The following USH2A variants were observed in gnomAD, a reference collection of about 807,000 sequenced individuals.
USH2A encodes Usher syndrome 2A (autosomal recessive, mild).
A neutral mutation model predicts 538.9 loss-of-function variants in USH2A; 443 were observed. That is an observed-to-expected ratio of 0.82 (90% confidence interval 0.76 to 0.89). The LOEUF is 0.89. Among genes scored for constraint, USH2A ranks in the 40% least tolerant of loss-of-function variants. The probability of loss-of-function intolerance (pLI) is 0.00; values close to 1 mark genes in which losing one functional copy is unlikely to be tolerated. For synonymous variants in USH2A, 2,413 were observed against 2,273.5 expected, an observed-to-expected ratio of 1.06 and a Z score of -1.75; for missense variants, 6,633 against 6,324.8, an observed-to-expected ratio of 1.05 and a Z score of -1.65.
At chr1:216,364,612 G>C (rs766877973) in intron 4 of USH2A, among the ~76,000 whole-genome samples, 1 of 152,130 alleles carries the variant, frequency 6.6e-6, no homozygotes, top group African/African-American at 2.4e-5. Context: ...AGAGGAGAAG[G>C]CCACATGAAG....
rs377232844 is a variant in USH2A at position 216,073,407 on chromosome 1, T to C, written c.5573-107A>G. Reference sequence around the variant, plus strand: ...ATTTTGAGGAAGGGGGGTGGTTAGATACAATTGCTAGACTTTCGAGTCTTC... The same window carrying C: ...ATTTTGAGGAAGGGGGGTGGTTAGACACAATTGCTAGACTTTCGAGTCTTC... On this transcript the variant is annotated intron_variant, in intron 27 of 71. Transcript: ENST00000307340. 3.2e-5 allele frequency: 38 copies of C among 1,191,502 alleles called. No individual in the cohort carries two copies. In the African/African-American group the frequency reaches 4.2e-4, roughly 13 times the overall value. 73.8% of individuals were successfully genotyped at this position (1,191,502 alleles called of 1,614,324 possible).
intron 49 of USH2A, among the ~76,000 whole-genome samples, chr1:215,803,687 T>C (rs1185439360): frequency 2.0e-5 from 3 of 151,952 alleles, no homozygotes; most frequent in African/African-American, 7.3e-5. Context: ...AGAATCAATA[T>C]CACGAAAATG....
At chr1:216,211,744 T>A (rs2035245825) in intron 15 of USH2A, among the ~76,000 whole-genome samples, 2 of 152,198 alleles carry the variant, frequency 1.3e-5, no homozygotes, top group Non-Finnish European at 2.9e-5. Context: ...GAGAAAAGAA[T>A]TATTTCCGAA....
At chr1:215,869,728 T>C (rs1248107746) in intron 43 of USH2A, among the ~76,000 whole-genome samples, 2 of 152,242 alleles carry the variant, frequency 1.3e-5, no homozygotes, top group African/African-American at 4.8e-5. Context: ...TATGCTATTA[T>C]ACAATTAATA....
chr1:215,851,336 A>T lies in USH2A; in HGVS notation c.8846-5303T>A, dbSNP rs371932493. ...CCAAGAAAAGAAGAGAGAAGATCCA[A>T]AAAAGCTCAATTAGAAATAAAACAG... On this transcript the variant is annotated intron_variant, in intron 44 of 71. Coordinates refer to ENST00000307340, the MANE Select transcript of USH2A (RefSeq NM_206933.4). Among the ~76,000 whole-genome samples the T allele has an allele frequency of 5.2e-4, 79 of 152,306 alleles. 1 individual carries two copies. In the South Asian group the frequency reaches 0.016, roughly 30 times the overall value.
At chr1:216,042,467 A>T (rs1024098885) in intron 32 of USH2A, among the ~76,000 whole-genome samples, 1 of 152,048 alleles carries the variant, frequency 6.6e-6, no homozygotes, top group African/African-American at 2.4e-5. Flanking sequence ...GTAGACCTAA[A>T]CTGACACTAT....
intron 61 of USH2A, among the ~76,000 whole-genome samples, chr1:215,710,207 G>GA (rs1659300154): frequency 6.6e-6 from 1 of 152,182 alleles, no homozygotes; most frequent in Non-Finnish European, 1.5e-5. Flanking sequence ...AAGAGGAGCT[G>GA]AAAAATGGAA....
intron 52 of USH2A, among the ~76,000 whole-genome samples, chr1:215,783,762 AT>A (rs1661714273): frequency 6.6e-6 from 1 of 152,110 alleles, no homozygotes; most frequent in African/African-American, 2.4e-5. Flanking sequence ...GTATGTATGT[AT>A]TTTTGTGTGT....
chr1:215,916,193 TA>T (rs1184313021), intron 38 of USH2A, among the ~76,000 whole-genome samples: 1 of 151,164 alleles, frequency 6.6e-6, no homozygotes, highest in Admixed American at 6.6e-5. Context: ...ATAATAATAA[TA>T]AAATAAAAAA....
chr1:215,926,864 T>G (rs980792175), intron 38 of USH2A, among the ~76,000 whole-genome samples: 1 of 152,074 alleles, frequency 6.6e-6, no homozygotes, highest in Admixed American at 6.6e-5. Flanking sequence ...CTCCTTGGCC[T>G]TCCGAAGTGC....
At chr1:215,697,984 C>T (rs754792169) in intron 61 of USH2A, among the ~76,000 whole-genome samples, 43 of 152,138 alleles carry the variant, frequency 2.8e-4, no homozygotes, top group Non-Finnish European at 4.7e-4. Context: ...TCTTTCTCCC[C>T]AGCCCCTGAC....
rs901728055 is a variant in USH2A at position 215,741,249 on chromosome 1, C to CA, written c.11711+125dup. ...AAACAAACAAACATACAAAACAAAACAAAAAAAAACACAACATGAATTCCC... is the reference window on the plus strand; with the variant it reads ...AAACAAACAAACATACAAAACAAAACAAAAAAAAAACACAACATGAATTCCC... On this transcript the variant is annotated intron_variant, in intron 60 of 71. Coordinates refer to ENST00000307340, the MANE Select transcript of USH2A (RefSeq NM_206933.4). 3,819 of 1,166,878 alleles carry CA rather than the reference C, an allele frequency of 3.3e-3. 3 individuals are homozygous for CA. The highest frequency in any genetic ancestry group is 5.7e-3 in the South Asian group (400 of 69,574). 72.3% of individuals were successfully genotyped at this position (1,166,878 alleles called of 1,614,324 possible).
At chr1:216,107,647 T>C (rs1571966941) in intron 21 of USH2A, among the ~76,000 whole-genome samples, 1 of 151,400 alleles carries the variant, frequency 6.6e-6, no homozygotes, top group Admixed American at 6.6e-5. Context: ...AATTTTACCA[T>C]CTTGCTATTT....
chr1:215,944,409 TA>T lies in USH2A; in HGVS notation c.7121-9615del, dbSNP rs531222453. On this transcript the variant is annotated intron_variant, in intron 37 of 71. Transcript: ENST00000307340. Reference sequence around the variant, plus strand: ...AATAAAGGGAGCAATTTCCAGTTTCTAGAATGATTCTCTTGAGTAAATATTT... The same window carrying T: ...AATAAAGGGAGCAATTTCCAGTTTCTGAATGATTCTCTTGAGTAAATATTT... Among the ~76,000 whole-genome samples the T allele has an allele frequency of 2.0e-3, 300 of 152,308 alleles. 1 individual carries two copies. The highest frequency in any genetic ancestry group is 6.6e-3 in the African/African-American group (273 of 41,590).
intron 32 of USH2A, among the ~76,000 whole-genome samples, chr1:216,003,232 A>T: frequency 6.6e-6 from 1 of 152,082 alleles, no homozygotes; most frequent in East Asian, 1.9e-4. Context: ...GAAATAGTTT[A>T]GTTGAGCTTG....
At position 216,337,284 on chromosome 1, in the gene USH2A, T is replaced by A. The variant is rs534549117; in HGVS notation, c.785-9630A>T. ...CTCATAAAAACACTATGGAAAGATA[T>A]TCTTTTGATGCTAATTTTAAAGATG... On this transcript the variant is annotated intron_variant, in intron 4 of 71. Coordinates refer to ENST00000307340, the MANE Select transcript of USH2A (RefSeq NM_206933.4). Among the ~76,000 whole-genome samples the A allele has an allele frequency of 1.7e-3, 260 of 151,510 alleles. 2 individuals are homozygous for A. Among genetic ancestry groups the A allele is most frequent in the African/African-American group, 6.0e-3 (248 of 41,490 alleles).
intron 14 of USH2A, among the ~76,000 whole-genome samples, chr1:216,223,775 G>A (rs2035506794): frequency 6.6e-6 from 1 of 152,216 alleles, no homozygotes; most frequent in South Asian, 2.1e-4. Context: ...CACCATAAAA[G>A]GAAATCAGTT....
intron 61 of USH2A, among the ~76,000 whole-genome samples, chr1:215,725,247 A>C (rs1659776448): frequency 6.6e-6 from 1 of 152,178 alleles, no homozygotes; most frequent in Non-Finnish European, 1.5e-5. Flanking sequence ...TGACCTTGTG[A>C]TCTGCCCGCC....
intron 3 of USH2A, among the ~76,000 whole-genome samples, chr1:216,388,113 G>A (rs934384229): frequency 1.3e-5 from 2 of 152,136 alleles, no homozygotes; most frequent in African/African-American, 2.4e-5. Context: ...AAGTTATAAA[G>A]CAACAGACTT....
Sources: allele counts gnomAD v4.1 joint callset (sites outside exome capture counted in the v4.1 genomes callset), GRCh38; gene constraint gnomAD v4.1.1; transcripts MANE v1.5; gene names NCBI Gene and HGNC (gene_info 2026-07-23, HGNC 2026-07-21).